The following ITGB3BP variants were observed in gnomAD, a reference collection of about 807,000 sequenced individuals.
The protein encoded by ITGB3BP is centromere protein R.
A neutral mutation model predicts 29.1 loss-of-function variants in ITGB3BP; 27 were observed. The ratio of observed to expected loss-of-function variants is 0.93; its 90% confidence interval spans 0.68 to 1.28. ITGB3BP has a LOEUF of 1.28. Among genes scored for constraint, ITGB3BP ranks in the 50% most tolerant of loss-of-function variants. The pLI, the probability that ITGB3BP is intolerant of heterozygous loss-of-function variation, is 0.00. For missense variants in ITGB3BP, 192 were observed against 200.2 expected, an observed-to-expected ratio of 0.96 and a Z score of 0.25; for synonymous variants, 61 against 61.4, an observed-to-expected ratio of 0.99 and a Z score of 0.03.
chr1:63,474,276 G>GC (rs1645285766), intron 4 of ITGB3BP, among the ~76,000 whole-genome samples: 3 of 144,972 alleles, frequency 2.1e-5, no homozygotes, highest in Admixed American at 6.8e-5. Context: ...GGTGGTGGGG[G>GC]GGTCAGCCCC....
chr1:63,478,626 C>T, intron 4 of ITGB3BP, 138 bp downstream of exon 4: 1 of 515,842 alleles, frequency 1.9e-6, no homozygotes, highest in Non-Finnish European at 3.4e-6. Context: ...AGGTATTCTA[C>T]TTACTTAAGA....
At chr1:63,480,169 C>A (rs1376167890) in intron 3 of ITGB3BP, among the ~76,000 whole-genome samples, 1 of 152,022 alleles carries the variant, frequency 6.6e-6, no homozygotes, top group East Asian at 1.9e-4. Context: ...TAAACTTTTA[C>A]AAGTTTCACA....
chr1:63,472,055 C>CT (rs367831323), intron 4 of ITGB3BP, among the ~76,000 whole-genome samples: 77,299 of 146,706 alleles, frequency 0.53, 20,320 homozygotes, highest in East Asian at 0.67. Flanking sequence ...AAGTGAATAA[C>CT]CTTTTTTTTT....
At chr1:63,449,292 A>C (rs1644831033) in intron 7 of ITGB3BP, 1 of 152,474 alleles carries the variant, frequency 6.6e-6, no homozygotes, top group South Asian at 2.1e-4. Context: ...GATATTTGTA[A>C]TGTCTGATAG....
chr1:63,473,973 G>A (rs1222117831), intron 4 of ITGB3BP, among the ~76,000 whole-genome samples: 1 of 6,024 alleles, frequency 1.7e-4, no homozygotes, highest in African/African-American at 2.0e-4. Flanking sequence ...GGGAGGTGGG[G>A]GGATCAGCCC....
At chr1:63,513,479 G>T (rs1228990983) in intron 1 of ITGB3BP, among the ~76,000 whole-genome samples, 4 of 152,036 alleles carry the variant, frequency 2.6e-5, no homozygotes, top group Admixed American at 2.6e-4. Context: ...ACCAGCTTTG[G>T]AATCAGCTTT....
chr1:63,447,907 T>G (rs1346825728), intron 7 of ITGB3BP: 1 of 221,558 alleles, frequency 4.5e-6, no homozygotes, highest in East Asian at 1.1e-4. Flanking sequence ...CTATTCACAA[T>G]AGCAAAGACT....
At chr1:63,443,614 T>C (rs963502013) in intron 8 of ITGB3BP, among the ~76,000 whole-genome samples, 5 of 152,074 alleles carry the variant, frequency 3.3e-5, no homozygotes, top group Admixed American at 6.5e-5. Context: ...ATTTGTCCAG[T>C]AGCAGGATAG....
At chr1:63,455,008 C>A in intron 4 of ITGB3BP, 40 bp from the exon 5 acceptor site, 1 of 966,534 alleles carries the variant, frequency 1.0e-6, no homozygotes. Context: ...CAAGGGGAAG[C>A]ATTTAAACAT....
At chr1:63,455,588 G>GT (rs2100510418) in intron 4 of ITGB3BP, among the ~76,000 whole-genome samples, 1 of 152,228 alleles carries the variant, frequency 6.6e-6, no homozygotes, top group Admixed American at 6.5e-5. Context: ...GTGATTACAG[G>GT]TGTGAGCCAT....
At position 63,511,572 on chromosome 1, in the gene ITGB3BP, T is replaced by C. The variant is rs904724376; in HGVS notation, c.6-3002A>G. On this transcript the variant is annotated intron_variant, in intron 1 of 8. Coordinates refer to ENST00000271002, the MANE Select transcript of ITGB3BP (RefSeq NM_014288.5). ...GACAGATGAACCGATAAACAAAATG[T>C]GATATATATATAAAACAAAATCTTA... is the stretch of plus-strand genomic sequence containing the variant. Among the ~76,000 whole-genome samples the C allele has an allele frequency of 4.6e-5, 7 of 151,922 alleles. No homozygotes were observed. In the East Asian group the frequency reaches 1.3e-3, roughly 29 times the overall value.
At chr1:63,499,715 T>C (rs775652774) in intron 2 of ITGB3BP, among the ~76,000 whole-genome samples, 1 of 152,104 alleles carries the variant, frequency 6.6e-6, no homozygotes, top group African/African-American at 2.4e-5. Context: ...TACACTATAT[T>C]AAGAGAATAA....
upstream of ITGB3BP, among the ~76,000 whole-genome samples, chr1:63,526,274 C>T (rs528505332): frequency 3.3e-5 from 5 of 151,892 alleles, no homozygotes; most frequent in African/African-American, 1.2e-4. Context: ...TTTAAAAATT[C>T]CTCTCATTAC....
intron 1 of ITGB3BP, among the ~76,000 whole-genome samples, chr1:63,518,560 T>C (rs1159524896): frequency 2.0e-5 from 3 of 152,052 alleles, no homozygotes; most frequent in Non-Finnish European, 4.4e-5. Context: ...TGTTAGACTG[T>C]TATATCTACC....
chr1:63,493,413 T>A (rs778970393), intron 2 of ITGB3BP, among the ~76,000 whole-genome samples: 6 of 144,630 alleles, frequency 4.1e-5, no homozygotes, highest in Non-Finnish European at 9.0e-5. Context: ...AGATTCTGTC[T>A]CAAAAAACAA....
intron 4 of ITGB3BP, among the ~76,000 whole-genome samples, chr1:63,459,304 C>T (rs188471302): frequency 1.3e-5 from 2 of 152,102 alleles, no homozygotes; most frequent in East Asian, 1.9e-4. Flanking sequence ...TCTCAAAGGC[C>T]ACAAATACAC....
chr1:63,446,795 T>A lies in ITGB3BP; in HGVS notation c.*1+11A>T. ...ACAAGGTTAAACTAAATTAGAAAGG[T>A]GAAACAGTACCTCAGTTTAAAATGG... On this transcript the variant is annotated intron_variant, in intron 8 of 8. Transcript: ENST00000271002. The A allele has an allele frequency of 6.3e-7, 1 of 1,583,746 alleles. No individual in the cohort carries two copies. Among genetic ancestry groups the A allele is most frequent in the Non-Finnish European group, 8.7e-7 (1 of 1,153,070 alleles).
In ITGB3BP at chr1:63,490,220, T is replaced by C; in HGVS notation, c.49-2A>G. 6.5e-7 allele frequency: 1 copy of C among 1,532,712 alleles called. No individual in the cohort carries two copies. Among genetic ancestry groups the C allele is most frequent in the Non-Finnish European group, 9.0e-7 (1 of 1,114,022 alleles). 94.9% of individuals were successfully genotyped at this position (1,532,712 alleles called of 1,614,324 possible). ...TGTGATTTTTGAAGGATCAAATGAC[T>C]GGAAATAAATAATAATTAAGGACAG... On this transcript the variant is annotated splice_acceptor_variant, in intron 2 of 8. Coordinates refer to ENST00000271002, the MANE Select transcript of ITGB3BP (RefSeq NM_014288.5). LOFTEE classifies it high-confidence loss of function.
chr1:63,521,723 A>G (rs775641714), intron 1 of ITGB3BP, among the ~76,000 whole-genome samples: 1 of 152,138 alleles, frequency 6.6e-6, no homozygotes, highest in Non-Finnish European at 1.5e-5. Flanking sequence ...TAGAGGCTGC[A>G]GTGAGCTGTG....
Sources: gnomAD v4.1 joint callset for allele counts (sites outside exome capture counted in the v4.1 genomes callset) on GRCh38, gnomAD v4.1.1 for gene constraint, MANE v1.5 for transcripts, NCBI Gene and HGNC (gene_info 2026-07-23, HGNC 2026-07-21) for gene names.